The following ZBTB40 variants were observed in gnomAD, a reference collection of about 807,000 sequenced individuals.
The protein encoded by ZBTB40 is zinc finger and BTB domain containing 40.
ZBTB40 carries 60 observed loss-of-function variants against 117.5 expected under a neutral mutation model. The observed-to-expected ratio is 0.51, with a 90% CI of 0.41 to 0.63. The LOEUF is 0.63. Among genes scored for constraint, ZBTB40 ranks in the 30% least tolerant of loss-of-function variants. The pLI, the probability that ZBTB40 is intolerant of heterozygous loss-of-function variation, is 0.00. For synonymous variants in ZBTB40, 525 were observed against 577.1 expected, an observed-to-expected ratio of 0.91 and a Z score of 1.29; for missense variants, 1,287 against 1,498.5, an observed-to-expected ratio of 0.86 and a Z score of 2.33.
rs769739651 is a variant in ZBTB40, at chr1:22,513,085, C to CA, written c.2624dup (p.Ala876GlyfsTer24). The CA allele has an allele frequency of 1.9e-6, 3 of 1,614,158 alleles. No individual in the cohort carries two copies. The South Asian group carries it at 3.3e-5, about 18-fold the overall frequency. On this transcript the variant is annotated frameshift_variant, in exon 12 of 18. Coordinates refer to ENST00000375647, the MANE Select transcript of ZBTB40 (RefSeq NM_014870.4). LOFTEE classifies it high-confidence loss of function. The surrounding 1 kb of genome is among the most constrained non-coding windows in gnomAD (Gnocchi z 4.9). ...CAAGCACTGCCTCATGACCTTCACC[C>CA]AGGCCTCCGCCCTGGCCTATCACAC...
intron 1 of ZBTB40, among the ~76,000 whole-genome samples, chr1:22,439,796 GA>G (rs1438924548): frequency 6.6e-6 from 1 of 152,170 alleles, no homozygotes; most frequent in Non-Finnish European, 1.5e-5. Context: ...TCTTTTTTAA[GA>G]TTGTTTTGGC....
chr1:22,456,844 G>A lies in ZBTB40; in HGVS notation c.-70+4840G>A, dbSNP rs114215932. Among the ~76,000 whole-genome samples the A allele has an allele frequency of 5.4e-3, 827 of 152,332 alleles. 6 individuals are homozygous for A. The highest frequency in any genetic ancestry group is 0.019 in the African/African-American group (796 of 41,580). On this transcript the variant is annotated intron_variant, in intron 1 of 17. Transcript: ENST00000375647. ...GTGGACCTATTGTCTAGGCAACCTC[G>A]TTAGCAGATATCATAACTGTTTCTA...
Position 22,526,422 on chromosome 1 carries a change from C to G in ZBTB40, c.*26C>G. 1 of 1,612,998 alleles carries G rather than the reference C, an allele frequency of 6.2e-7. No individual in the cohort carries two copies. The highest frequency in any genetic ancestry group is 8.5e-7 in the Non-Finnish European group (1 of 1,179,968). On this transcript the variant is annotated 3_prime_UTR_variant, in exon 18 of 18. Coordinates refer to ENST00000375647, the MANE Select transcript of ZBTB40 (RefSeq NM_014870.4). Reference sequence around the variant, plus strand: ...GCAGCCTTTCATCCGGCAGAGCCTTCCTGCGTTTGCAGCAGAGAGGAGGCC... The same window carrying G: ...GCAGCCTTTCATCCGGCAGAGCCTTGCTGCGTTTGCAGCAGAGAGGAGGCC...
chr1:22,526,131 T>C (rs955280814), intron 17 of ZBTB40, 71 bp from the exon 18 acceptor site: 22 of 1,553,554 alleles, frequency 1.4e-5, no homozygotes, highest in Non-Finnish European at 1.9e-5. Flanking sequence ...CAGCATGAGA[T>C]GAAAACCATG....
chr1:22,479,147 C>G (rs1641619892), intron 1 of ZBTB40, among the ~76,000 whole-genome samples: 1 of 152,116 alleles, frequency 6.6e-6, no homozygotes, highest in Non-Finnish European at 1.5e-5. Flanking sequence ...AAGAAATTGC[C>G]AATCTGTTCT....
In ZBTB40 at chr1:22,531,065, A is replaced by G. The variant is rs1639815247; in HGVS notation, c.*4669A>G. On this transcript the variant is annotated 3_prime_UTR_variant, in exon 18 of 18. Transcript: ENST00000375647. ...TGGGGAAAATGATTGTGCTTGCCCT[A>G]CAGAATTGTAGTATGAATTAAAAGT... 1 of 152,196 alleles carries G rather than the reference A, an allele frequency of 6.6e-6. No individual in the cohort carries two copies. Among genetic ancestry groups the G allele is most frequent in the African/African-American group, 2.4e-5 (1 of 41,440 alleles). 9.4% of individuals were successfully genotyped at this position (152,196 alleles called of 1,614,324 possible).
At chr1:22,463,291 C>T (rs1641173272) in intron 1 of ZBTB40, among the ~76,000 whole-genome samples, 2 of 152,098 alleles carry the variant, frequency 1.3e-5, no homozygotes, top group African/African-American at 4.8e-5. Context: ...TCTTTAGTTG[C>T]CAGGGCCCCT....
chr1:22,442,711 G>C (rs1470277889), intron 1 of ZBTB40, among the ~76,000 whole-genome samples: 2 of 152,168 alleles, frequency 1.3e-5, no homozygotes, highest in Admixed American at 1.3e-4. Flanking sequence ...TTCAGGGTAA[G>C]GGTCAGCTGC....
chr1:22,501,454 T>C, intron 3 of ZBTB40, 38 bp from the exon 4 acceptor site: 3 of 1,611,938 alleles, frequency 1.9e-6, no homozygotes, highest in Non-Finnish European at 2.5e-6. Flanking sequence ...GTTCTTGTGG[T>C]TCGCTAATCT....
chr1:22,512,603 A>G (rs1278563056), intron 11 of ZBTB40, among the ~76,000 whole-genome samples: 1 of 152,240 alleles, frequency 6.6e-6, no homozygotes, highest in Non-Finnish European at 1.5e-5. Context: ...CTAATGAAAT[A>G]TAAAAGCAAG....
At chr1:22,517,666 C>T (rs1304546924) in intron 13 of ZBTB40, 5 of 637,858 alleles carry the variant, frequency 7.8e-6, no homozygotes, top group Non-Finnish European at 1.3e-5. Context: ...ACGCTTATTT[C>T]TCTCTGGCCA....
intron 5 of ZBTB40, among the ~76,000 whole-genome samples, chr1:22,503,304 C>T (rs1638992231): frequency 6.6e-6 from 1 of 151,078 alleles, no homozygotes; most frequent in Non-Finnish European, 1.5e-5. Flanking sequence ...AATTTACTCT[C>T]CCACCAGCTA....
intron 1 of ZBTB40, among the ~76,000 whole-genome samples, chr1:22,476,736 A>T (rs180854302): frequency 6.6e-6 from 1 of 152,252 alleles, no homozygotes; most frequent in Non-Finnish European, 1.5e-5. Flanking sequence ...TGAGGCTTTA[A>T]TATTGTTCCT....
Position 22,517,432 on chromosome 1 carries a change from A to G in ZBTB40, c.2801A>G (p.Asn934Ser), listed in dbSNP as rs1341015054. The change falls in exon 13 of 18, where the codon AAT (asparagine) becomes AGT (serine). Residue 934 changes from asparagine to serine, a missense_variant. By Grantham distance (46) the Asn-to-Ser change is conservative. This residue lies in a region of ZBTB40 where 417 missense variants were observed against 564.1 expected (regional missense o/e 0.74). Transcript: ENST00000375647. ...TGTGGCAAGGGCTTCCGGCAAGCCA[A>G]TGGCCTCTCCATCCATCTGCACACC... is the stretch of plus-strand genomic sequence containing the variant. The part of the protein sequence containing the change: ...RDCGKGFRQA[N>S]GLSIHLHTFH... 13 of 1,614,002 alleles carry G rather than the reference A, an allele frequency of 8.1e-6. No individual in the cohort carries two copies. Among genetic ancestry groups the G allele is most frequent in the South Asian group, 3.3e-5 (3 of 91,088 alleles).
intron 5 of ZBTB40, among the ~76,000 whole-genome samples, chr1:22,504,273 A>G (rs1414803303): frequency 1.3e-5 from 2 of 152,194 alleles, no homozygotes; most frequent in African/African-American, 4.8e-5. Context: ...TGGCCTTTAT[A>G]AATATGTTGG....
chr1:22,466,196 ATGT>A (rs1284908214), intron 1 of ZBTB40, among the ~76,000 whole-genome samples: 1 of 152,228 alleles, frequency 6.6e-6, no homozygotes, highest in Non-Finnish European at 1.5e-5. Flanking sequence ...AGATTCATCC[ATGT>A]TGTAGAATGT....
chr1:22,489,751 T>C lies in ZBTB40; in HGVS notation c.-69-129T>C. 3.1e-6 allele frequency: 2 copies of C among 647,542 alleles called. 1 individual carries two copies. Among genetic ancestry groups the C allele is most frequent in the Non-Finnish European group, 5.5e-6 (2 of 360,860 alleles). The allele number at this position is 647,542 out of a possible 1,614,324, so 40.1% of individuals were successfully genotyped here. A position where few individuals can be genotyped will look rare whatever the true frequency, so the allele number is the denominator to read the frequency against. On this transcript the variant is annotated intron_variant, in intron 1 of 17. Coordinates refer to ENST00000375647, the MANE Select transcript of ZBTB40 (RefSeq NM_014870.4). ...CTGATTTAGTATACCTGGCATACTG[T>C]CCCTTCCTATTAAGCAATATTTGTT... is the stretch of plus-strand genomic sequence containing the variant.
rs547809637 is a variant in ZBTB40, at chr1:22,494,206, T to C, written c.831+2673T>C. On this transcript the variant is annotated intron_variant, in intron 3 of 17. Transcript: ENST00000375647. ...ATATCCTGGTGCCATGGCCATTTAC[T>C]CTGACACGAGATGGTTTGCTGTTAC... Among the ~76,000 whole-genome samples the C allele has an allele frequency of 3.9e-5, 6 of 152,330 alleles. No homozygotes were observed. The South Asian group carries it at 1.2e-3, about 32-fold the overall frequency.
intron 5 of ZBTB40, among the ~76,000 whole-genome samples, chr1:22,505,824 T>C (rs964556719): frequency 6.6e-6 from 1 of 152,094 alleles, no homozygotes; most frequent in African/African-American, 2.4e-5. Context: ...AGACCTGCAA[T>C]TGAGAAAGAA....
Sources: allele counts gnomAD v4.1 joint callset (sites outside exome capture counted in the v4.1 genomes callset), GRCh38; gene constraint gnomAD v4.1.1; regional missense constraint gnomAD v4.1.1; non-coding constraint Gnocchi (gnomAD v3.1); transcripts MANE v1.5; gene names NCBI Gene and HGNC (gene_info 2026-07-23, HGNC 2026-07-21).